Variants in CUEDC1 observed in about 807,000 individuals in gnomAD.
CUEDC1 encodes the protein CUE domain containing 1.
A neutral mutation model predicts 43.7 loss-of-function variants in CUEDC1; 30 were observed. The ratio of observed to expected loss-of-function variants is 0.69; its 90% CI spans 0.51 to 0.93. CUEDC1 has a LOEUF of 0.93. CUEDC1 is among the 40% of genes least tolerant of loss of function. CUEDC1 has a pLI of 0.00. For synonymous variants in CUEDC1, 223 were observed against 223.6 expected (o/e 1.00, Z 0.02); for missense variants, 486 against 549.0 (o/e 0.89, Z 1.15).
intron 1 of CUEDC1, among the ~76,000 whole-genome samples, chr17:57,947,662 G>A (rs897982858): frequency 2.0e-5 from 3 of 151,950 alleles, no homozygotes; most frequent in African/African-American, 7.3e-5. Context: ...TTAGCTGTTT[G>A]TGATGGCGTA....
intron 1 of CUEDC1, among the ~76,000 whole-genome samples, chr17:57,901,691 T>G (rs1039590997): frequency 6.6e-6 from 1 of 152,128 alleles, no homozygotes; most frequent in South Asian, 2.1e-4. Context: ...CAACACAGAA[T>G]GGGCATGAGG....
chr17:57,911,156 C>G (rs922637727), intron 1 of CUEDC1, among the ~76,000 whole-genome samples: 2 of 152,198 alleles, frequency 1.3e-5, no homozygotes, highest in African/African-American at 4.8e-5. Flanking sequence ...GCCTCCACCC[C>G]CAGAGTTCCT....
In CUEDC1 at chr17:57,863,053, T is replaced by A. The variant is rs535701867; in HGVS notation, c.*236A>T. 1 of 129,346 alleles carries A rather than the reference T, an allele frequency of 7.7e-6. No individual in the cohort carries two copies. The highest frequency in any genetic ancestry group is 3.1e-5 in the African/African-American group (1 of 32,000). 8.0% of individuals were successfully genotyped at this position (129,346 alleles called of 1,614,324 possible). A position where few individuals can be genotyped will look rare whatever the true frequency, so the allele number is the denominator to read the frequency against. On this transcript the variant is annotated 3_prime_UTR_variant, in exon 11 of 11. Transcript: ENST00000577830. ...TACAAAAGGGGCTGTAATTGGCTGC[T>A]GCCTATAGGGGCCCCAGGTCCTTCC...
At position 57,861,401 on chromosome 17, in the gene CUEDC1, C is replaced by G. The variant is rs577027806; in HGVS notation, c.*1888G>C. ...ACAGCGCTAGACGCAGCCGGCAGGTCCGCAAGGTTGAGGTGCAGCGGTGCC... is the reference window on the plus strand; with the variant it reads ...ACAGCGCTAGACGCAGCCGGCAGGTGCGCAAGGTTGAGGTGCAGCGGTGCC... On this transcript the variant is annotated 3_prime_UTR_variant, in exon 11 of 11. Coordinates refer to ENST00000577830, the MANE Select transcript of CUEDC1 (RefSeq NM_001271875.2). 7 of 152,422 alleles carry G rather than the reference C, an allele frequency of 4.6e-5. No homozygotes were observed. Among genetic ancestry groups the G allele is most frequent in the African/African-American group, 1.7e-4 (7 of 41,576 alleles). 9.4% of individuals were successfully genotyped at this position (152,422 alleles called of 1,614,324 possible).
In CUEDC1 at chr17:57,866,513, T is replaced by C. The variant is rs1019065583; in HGVS notation, c.1125A>G (p.Ala375=). 1.2e-6 allele frequency: 2 copies of C among 1,614,054 alleles called. No homozygotes were observed. Among genetic ancestry groups the C allele is most frequent in the African/African-American group, 1.3e-5 (1 of 74,924 alleles). Reference sequence around the variant, plus strand: ...CTCGCAGGCCTTCCTCCACCTTGGGTGCCTCCTGACGCCTGCCCCGGAAGT... The same window carrying C: ...CTCGCAGGCCTTCCTCCACCTTGGGCGCCTCCTGACGCCTGCCCCGGAAGT... ...DEDFRGRRQE[A]PKVEEGLREG... is the part of the protein sequence containing the mutation. The change falls in exon 10 of 11, where the codon GCA becomes GCG. Residue 375 remains alanine, a synonymous_variant. Coordinates refer to ENST00000577830, the MANE Select transcript of CUEDC1 (RefSeq NM_001271875.2).
At chr17:57,887,400 C>T (rs570575885) in intron 1 of CUEDC1, among the ~76,000 whole-genome samples, 1 of 152,074 alleles carries the variant, frequency 6.6e-6, no homozygotes, top group South Asian at 2.1e-4. Flanking sequence ...TTTTAAGGGA[C>T]AATTCCATCA....
chr17:57,889,647 CT>C (rs1176445028), intron 1 of CUEDC1, among the ~76,000 whole-genome samples: 1 of 152,216 alleles, frequency 6.6e-6, no homozygotes. Flanking sequence ...AAAGTCTAGA[CT>C]TTTCTATCAA....
chr17:57,912,965 C>T (rs1033432572), intron 1 of CUEDC1, among the ~76,000 whole-genome samples: 5 of 152,174 alleles, frequency 3.3e-5, no homozygotes, highest in African/African-American at 1.2e-4. Flanking sequence ...CCACCTCAGC[C>T]TCCAGAGTAG....
chr17:57,943,138 G>A (rs1370588803), intron 1 of CUEDC1, among the ~76,000 whole-genome samples: 1 of 152,186 alleles, frequency 6.6e-6, no homozygotes, highest in Non-Finnish European at 1.5e-5. Flanking sequence ...AGGTTCCAGA[G>A]CCTTACCAGG....
chr17:57,897,696 C>A (rs1178190735), intron 1 of CUEDC1, among the ~76,000 whole-genome samples: 1 of 149,532 alleles, frequency 6.7e-6, no homozygotes, highest in African/African-American at 2.5e-5. Context: ...TGTCTTTACT[C>A]TCTAATTAAA....
intron 3 of CUEDC1, among the ~76,000 whole-genome samples, chr17:57,874,714 G>A (rs1266965647): frequency 2.0e-5 from 3 of 152,230 alleles, no homozygotes; most frequent in Admixed American, 2.0e-4. Flanking sequence ...GGCGGTGGGG[G>A]CTGCTCTAGC....
At chr17:57,871,441 A>G in intron 5 of CUEDC1, 72 bp from the exon 6 acceptor site, 1 of 1,312,418 alleles carries the variant, frequency 7.6e-7, no homozygotes, top group Non-Finnish European at 1.1e-6. Flanking sequence ...GGGCTGGGAC[A>G]CGGTAGTTTG....
chr17:57,885,711 G>C lies in CUEDC1; in HGVS notation c.-147C>G. On this transcript the variant is annotated 5_prime_UTR_variant, in exon 2 of 11. Transcript: ENST00000577830. ...CTCCCCGGGTAGCCAGGCAGCAATG[G>C]GCTGCCAAGAGCTCCGGGTTAGGAG... 8.0e-7 allele frequency: 1 copy of C among 1,255,626 alleles called. No homozygotes were observed. Among genetic ancestry groups the C allele is most frequent in the Non-Finnish European group, 1.0e-6 (1 of 987,886 alleles). 77.8% of individuals were successfully genotyped at this position (1,255,626 alleles called of 1,614,324 possible). A position where few individuals can be genotyped will look rare whatever the true frequency, so the allele number is the denominator to read the frequency against.
At chr17:57,919,373 A>T (rs149911088) in intron 1 of CUEDC1, among the ~76,000 whole-genome samples, 5,071 of 150,694 alleles carry the variant, frequency 0.034, 96 homozygotes, top group South Asian at 0.055. Context: ...AGAGACAGGG[A>T]TTCACCAAGT....
rs559126159 is a variant in CUEDC1, at chr17:57,940,663, G to A, written c.-316+14562C>T. Among the ~76,000 whole-genome samples the A allele has an allele frequency of 3.3e-4, 51 of 152,316 alleles. 1 individual carries two copies. The South Asian group carries it at 1.0e-2, about 30-fold the overall frequency. On this transcript the variant is annotated intron_variant, in intron 1 of 10. Coordinates refer to ENST00000577830, the MANE Select transcript of CUEDC1 (RefSeq NM_001271875.2). ...TCCAGCCTCTCCTGACTAAAGCACA[G>A]GAATTTTTCAGCCTGGGCCCTTCAG...
chr17:57,887,483 T>TAACAGCTG (rs2074305033), intron 1 of CUEDC1, among the ~76,000 whole-genome samples: 1 of 148,482 alleles, frequency 6.7e-6, no homozygotes, highest in African/African-American at 2.5e-5. Flanking sequence ...GTCACAATCT[T>TAACAGCTG]AACAGCTGAT....
intron 1 of CUEDC1, among the ~76,000 whole-genome samples, chr17:57,945,364 C>G (rs2074951132): frequency 6.6e-6 from 1 of 152,196 alleles, no homozygotes; most frequent in Non-Finnish European, 1.5e-5. Flanking sequence ...TTTGTGGAAA[C>G]AAATTCTTTG....
In CUEDC1 at chr17:57,879,638, G is replaced by A; in HGVS notation, c.437C>T (p.Pro146Leu). 1 of 1,603,928 alleles carries A rather than the reference G, an allele frequency of 6.2e-7. No individual in the cohort carries two copies. The highest frequency in any genetic ancestry group is 8.5e-7 in the Non-Finnish European group (1 of 1,176,760). ...YHMHVFDRPY[P>L]LAPPTPPPRI... The stretch of plus-strand genomic sequence containing the variant: ...GGGAGGCGGAGTCGGGGGAGCCAGA[G>A]GGTAGGGCCGGTCGAACACGTGCAT... The change falls in exon 3 of 11, where the codon CCT (proline) becomes CTT (leucine). Residue 146 changes from proline to leucine, a missense_variant. Coordinates refer to ENST00000577830, the MANE Select transcript of CUEDC1 (RefSeq NM_001271875.2).
At position 57,893,949 on chromosome 17, in the gene CUEDC1, C is replaced by T. The variant is rs112820357; in HGVS notation, c.-315-8070G>A. Among the ~76,000 whole-genome samples, 627 of 152,248 alleles carry T rather than the reference C, an allele frequency of 4.1e-3. 4 individuals are homozygous for T. The highest frequency in any genetic ancestry group is 0.013 in the African/African-American group (560 of 41,530). ...TCTCTACTAAAAATACAAAAATTAG[C>T]CAGGCATGGTGGTGGGTGCCTGTAA... On this transcript the variant is annotated intron_variant, in intron 1 of 10. Coordinates refer to ENST00000577830, the MANE Select transcript of CUEDC1 (RefSeq NM_001271875.2).
Sources: gnomAD v4.1 joint callset for allele counts (sites outside exome capture counted in the v4.1 genomes callset) on GRCh38, gnomAD v4.1.1 for gene constraint, MANE v1.5 for transcripts, NCBI Gene and HGNC (gene_info 2026-07-23, HGNC 2026-07-21) for gene names.